CHD9: variants seen among roughly 807,000 people sequenced by gnomAD.
CHD9 encodes the protein ATP-dependent chromatin remodeler CHD9.
In CHD9, 77 loss-of-function variants were observed where a neutral mutation model predicts 316.1. That is an observed-to-expected ratio of 0.24 (90% CI 0.20 to 0.29). The LOEUF (loss-of-function observed/expected upper bound fraction) is 0.29, where lower values mean the gene tolerates loss of function less well. CHD9 is among the 10% of genes least tolerant of loss of function. The pLI, the probability that CHD9 is intolerant of heterozygous loss-of-function variation, is 1.00. For synonymous variants in CHD9, 1,129 were observed against 1,158.3 expected (o/e 0.97, Z 0.51); for missense variants, 2,763 against 3,438.1 (o/e 0.80, Z 4.91).
intron 2 of CHD9, among the ~76,000 whole-genome samples, chr16:53,186,385 A>G (rs989594404): frequency 4.6e-5 from 7 of 152,146 alleles, no homozygotes; most frequent in African/African-American, 1.7e-4. Flanking sequence ...TTTGAAACAG[A>G]TATGTTTACC....
chr16:53,311,199 A>G (rs2153095549), intron 34 of CHD9: 1 of 151,836 alleles, frequency 6.6e-6, no homozygotes, highest in African/African-American at 2.4e-5. Context: ...AAATTGTAAC[A>G]CGACTTTTGC....
chr16:53,149,361 C>T (rs1380183537), intron 1 of CHD9, among the ~76,000 whole-genome samples: 8 of 152,048 alleles, frequency 5.3e-5, no homozygotes, highest in African/African-American at 1.9e-4. Context: ...ATTTAAGTCT[C>T]CGACTATTGT....
chr16:53,243,200 G>A (rs113735639), intron 13 of CHD9, among the ~76,000 whole-genome samples, 184 bp downstream of exon 13: 4,925 of 152,044 alleles, frequency 0.032, 99 homozygotes, highest in Middle Eastern at 0.071. Context: ...TGTTTCCTAC[G>A]ACTTCAAATT....
chr16:53,181,680 T>C (rs1198400548), intron 2 of CHD9, among the ~76,000 whole-genome samples: 1 of 152,326 alleles, frequency 6.6e-6, no homozygotes, highest in Non-Finnish European at 1.5e-5. Context: ...GTTTAATGTC[T>C]CAACATGATA....
chr16:53,099,765 C>T (rs974062795), intron 1 of CHD9, among the ~76,000 whole-genome samples: 2 of 152,200 alleles, frequency 1.3e-5, no homozygotes, highest in African/African-American at 4.8e-5. Flanking sequence ...ATATTCCGTT[C>T]TCTCCATGAC....
At chr16:53,150,506 G>A (rs1377313977) in intron 1 of CHD9, among the ~76,000 whole-genome samples, 1 of 151,990 alleles carries the variant, frequency 6.6e-6, no homozygotes, top group Admixed American at 6.6e-5. Flanking sequence ...TTTTAAAAAG[G>A]CATTACATAC....
At chr16:53,276,769 A>T (rs2052876232) in intron 24 of CHD9, among the ~76,000 whole-genome samples, 1 of 152,124 alleles carries the variant, frequency 6.6e-6, no homozygotes, top group Admixed American at 6.6e-5. Context: ...TTAACAAAGG[A>T]AAAAACCTCT....
chr16:53,119,971 A>G (rs1436853199), intron 1 of CHD9, among the ~76,000 whole-genome samples: 1 of 152,022 alleles, frequency 6.6e-6, no homozygotes, highest in Non-Finnish European at 1.5e-5. Flanking sequence ...CACACCTATA[A>G]TCCTAGTGCT....
intron 1 of CHD9, among the ~76,000 whole-genome samples, chr16:53,082,523 G>A (rs1203104863): frequency 3.3e-5 from 5 of 152,224 alleles, no homozygotes; most frequent in Admixed American, 1.3e-4. Context: ...TTACAGGCAT[G>A]AGCCACTGCA....
chr16:53,287,277 C>T (rs981610620), intron 26 of CHD9, among the ~76,000 whole-genome samples: 4 of 152,210 alleles, frequency 2.6e-5, no homozygotes, highest in African/African-American at 4.8e-5. Flanking sequence ...CAGCTTTTTT[C>T]GCATATTTTC....
At chr16:53,116,586 G>A (rs919126370) in intron 1 of CHD9, among the ~76,000 whole-genome samples, 1 of 152,192 alleles carries the variant, frequency 6.6e-6, no homozygotes, top group Non-Finnish European at 1.5e-5. Flanking sequence ...AGATGCTGGT[G>A]AGGCTGTGGA....
chr16:53,292,955 C>T lies in CHD9; in HGVS notation c.5413C>T (p.Gln1805Ter). The change falls in exon 29 of 39, where the codon CAA (glutamine) becomes TAA (stop). Residue 1805 changes from glutamine (Q) to a stop codon, truncating the protein, a stop_gained. Coordinates refer to ENST00000447540, the MANE Select transcript of CHD9 (RefSeq NM_001308319.2). LOFTEE classifies it high-confidence loss of function. ...TAAAAACAGACAAATTCAGCAGATA[C>T]AACCGACTTTCTCGGTGCCTACCAG... ...TNKNRQIQQI[Q>*]PTFSVPTSVM... 1 of 1,613,846 alleles carries T rather than the reference C, an allele frequency of 6.2e-7. No individual in the cohort carries two copies. Among genetic ancestry groups the T allele is most frequent in the Non-Finnish European group, 8.5e-7 (1 of 1,179,830 alleles).
intron 22 of CHD9, among the ~76,000 whole-genome samples, chr16:53,270,520 G>T (rs2052145437): frequency 6.6e-6 from 1 of 152,058 alleles, no homozygotes; most frequent in South Asian, 2.1e-4. Flanking sequence ...ATTTATGAAT[G>T]AAATGATTGA....
chr16:53,267,603 T>C, intron 21 of CHD9, 113 bp downstream of exon 21: 1 of 747,764 alleles, frequency 1.3e-6, no homozygotes, highest in Non-Finnish European at 2.1e-6. Flanking sequence ...AAAATTTACT[T>C]TTAAAGTACT....
intron 24 of CHD9, among the ~76,000 whole-genome samples, chr16:53,275,985 T>C (rs2052772897): frequency 6.6e-6 from 1 of 152,180 alleles, no homozygotes. Flanking sequence ...AATCAGAATT[T>C]TGACAGTGAC....
At chr16:53,224,316 G>T (rs901925758) in intron 4 of CHD9, among the ~76,000 whole-genome samples, 1 of 152,174 alleles carries the variant, frequency 6.6e-6, no homozygotes, top group Non-Finnish European at 1.5e-5. Context: ...TAGTAGCGAC[G>T]TTCTATGGTG....
chr16:53,086,451 C>T (rs2035467141), intron 1 of CHD9, among the ~76,000 whole-genome samples: 2 of 152,102 alleles, frequency 1.3e-5, no homozygotes, highest in East Asian at 3.9e-4. Context: ...CCTGTCAGCC[C>T]CTGCCAAACA....
At chr16:53,113,364 C>CTT (rs35792251) in intron 1 of CHD9, among the ~76,000 whole-genome samples, 29,515 of 115,950 alleles carry the variant, frequency 0.25, 5,479 homozygotes, top group Non-Finnish European at 0.37. Context: ...AATCTTGGCA[C>CTT]TTTTTTTTTT....
At chr16:53,226,033 C>A (rs1210173255) in intron 4 of CHD9, among the ~76,000 whole-genome samples, 1 of 151,924 alleles carries the variant, frequency 6.6e-6, no homozygotes, top group East Asian at 1.9e-4. Context: ...TAAAGGTATT[C>A]CTAATAAAAT....
Sources: gnomAD v4.1 joint callset for allele counts (sites outside exome capture counted in the v4.1 genomes callset) on GRCh38, gnomAD v4.1.1 for gene constraint, MANE v1.5 for transcripts, NCBI Gene and HGNC (gene_info 2026-07-23, HGNC 2026-07-21) for gene names.